Variants in HPN observed in about 807,000 individuals in gnomAD.
The protein encoded by HPN is hepsin.
A neutral mutation model predicts 55.9 loss-of-function variants in HPN; 13 were observed. That is an observed-to-expected ratio of 0.23 (90% CI 0.15 to 0.37). The LOEUF (loss-of-function observed/expected upper bound fraction) is 0.37, where lower values mean the gene tolerates loss of function less well. Ranked by LOEUF, HPN falls within the 10% of genes least tolerant of loss-of-function variation. The pLI is 1.00. For synonymous variants in HPN, 225 were observed against 240.3 expected (o/e 0.94, Z 0.59); for missense variants, 451 against 575.8 (o/e 0.78, Z 2.22).
chr19:35,041,661 C>A (rs970762212), upstream of HPN: 13 of 1,159,234 alleles, frequency 1.1e-5, no homozygotes, highest in Non-Finnish European at 1.4e-5. Context: ...TGCTGCCAAT[C>A]GAATGGTCCG....
intron 9 of HPN, among the ~76,000 whole-genome samples, chr19:35,064,947 G>A (rs569366273): frequency 2.6e-5 from 4 of 152,128 alleles, no homozygotes; most frequent in East Asian, 3.9e-4. Context: ...TCAGTCTCCC[G>A]AGTAGCTGGG....
chr19:35,041,657 C>T, upstream of HPN: 1 of 1,159,904 alleles, frequency 8.6e-7, no homozygotes, highest in South Asian at 1.6e-5. Flanking sequence ...CCAGTGCTGC[C>T]AATCGAATGG....
At position 35,049,618 on chromosome 19, in the gene HPN, G is replaced by C. The variant is rs575384516; in HGVS notation, c.160+102G>C. 3.4e-5 allele frequency: 36 copies of C among 1,048,410 alleles called. No homozygotes were observed. In the African/African-American group the frequency reaches 4.7e-4, roughly 14 times the overall value. 64.9% of individuals were successfully genotyped at this position (1,048,410 alleles called of 1,614,324 possible). ...TTGTTGAATAAATGCACAAATGCAT[G>C]CAGAAATGCTAATCATAATAGTGCA... is the stretch of plus-strand genomic sequence containing the variant. On this transcript the variant is annotated intron_variant, in intron 4 of 12. Coordinates refer to ENST00000672452, the MANE Select transcript of HPN (RefSeq NM_001384133.1).
chr19:35,054,598 C>T (rs2064437040), intron 4 of HPN, among the ~76,000 whole-genome samples: 1 of 152,146 alleles, frequency 6.6e-6, no homozygotes, highest in Non-Finnish European at 1.5e-5. Flanking sequence ...TCTTGAGAGG[C>T]TGTCCAGGGC....
intron 10 of HPN, 91 bp downstream of exon 10, chr19:35,065,436 A>G: frequency 6.4e-7 from 1 of 1,567,014 alleles, no homozygotes; most frequent in South Asian, 1.2e-5. Flanking sequence ...ATGAGTCTTG[A>G]CCATGAGGAG....
chr19:35,041,080 C>T (rs72550257), upstream of HPN, among the ~76,000 whole-genome samples: 2,741 of 152,292 alleles, frequency 0.018, 85 homozygotes, highest in African/African-American at 0.063. Flanking sequence ...TGCCTGCGGA[C>T]GCTTCCGGCC....
intron 10 of HPN, 64 bp from the exon 11 acceptor site, chr19:35,065,475 A>G: frequency 6.3e-7 from 1 of 1,589,856 alleles, no homozygotes. Flanking sequence ...TGGGGTGGGC[A>G]CCAGGAGGGA....
chr19:35,042,141 T>G, intron 1 of HPN: 2 of 1,133,836 alleles, frequency 1.8e-6, no homozygotes, highest in Non-Finnish European at 2.2e-6. Context: ...GGCCCCCAAA[T>G]TCCTCCTTTC....
upstream of HPN, chr19:35,041,652 G>A: frequency 8.6e-7 from 1 of 1,157,212 alleles, no homozygotes; most frequent in Non-Finnish European, 1.1e-6. Flanking sequence ...GGCCTCCAGT[G>A]CTGCCAATCG....
At chr19:35,057,994 T>C (rs1463240289) in intron 4 of HPN, among the ~76,000 whole-genome samples, 2 of 151,516 alleles carry the variant, frequency 1.3e-5, no homozygotes, top group Non-Finnish European at 2.9e-5. Context: ...CTACTTAAAA[T>C]ACAAAAAAAT....
chr19:35,050,530 G>A (rs1364148860), intron 4 of HPN: 1 of 1,288,388 alleles, frequency 7.8e-7, no homozygotes, highest in Non-Finnish European at 1.0e-6. Flanking sequence ...CTGTAAGTGT[G>A]TCTGCAGGCA....
At chr19:35,066,096 G>C (rs772159854) in intron 12 of HPN, 64 bp downstream of exon 12, 6 of 1,611,100 alleles carry the variant, frequency 3.7e-6, no homozygotes, top group Non-Finnish European at 5.1e-6. Context: ...GGGGAAGGGA[G>C]GCAGAGATTT....
chr19:35,059,522 C>T (rs755493562), intron 4 of HPN, 151 bp from the exon 5 acceptor site: 188 of 955,414 alleles, frequency 2.0e-4, no homozygotes, highest in Non-Finnish European at 2.7e-4. Flanking sequence ...CAGATGCAAT[C>T]GCAGATGTGG....
intron 4 of HPN, chr19:35,059,230 G>C: frequency 3.1e-6 from 1 of 326,338 alleles, no homozygotes; most frequent in Non-Finnish European, 6.0e-6. Flanking sequence ...AGGAGGCAGA[G>C]GCAGGAAGAT....
chr19:35,064,332 CTCTCTCTTTCT>C (rs2151769848), intron 9 of HPN, among the ~76,000 whole-genome samples: 1 of 152,140 alleles, frequency 6.6e-6, no homozygotes, highest in East Asian at 1.9e-4. Context: ...CTCTCTCTCT[CTCTCTCTTTCT>C]TCTCTCTCTC....
chr19:35,057,361 G>T (rs1478031688), intron 4 of HPN, among the ~76,000 whole-genome samples: 4 of 151,994 alleles, frequency 2.6e-5, no homozygotes, highest in South Asian at 2.1e-4. Context: ...GGGAGGCGGA[G>T]GTTACAGTGA....
At chr19:35,061,924 G>C (rs1297174696) in intron 9 of HPN, among the ~76,000 whole-genome samples, 2 of 152,114 alleles carry the variant, frequency 1.3e-5, no homozygotes, top group Non-Finnish European at 2.9e-5. Context: ...TAGGTGTGGT[G>C]ACGGATACCT....
intron 4 of HPN, among the ~76,000 whole-genome samples, chr19:35,050,914 C>CTTTTTTTTTTTTTTT (rs5827917): frequency 4.2e-4 from 38 of 90,424 alleles, no homozygotes; most frequent in Admixed American, 6.2e-4. Flanking sequence ...TTCTTTCTTT[C>CTTTTTTTTTTTTTTT]TTTTTTTTTT....
At chr19:35,053,913 T>TTAAGGC (rs1368159385) in intron 4 of HPN, among the ~76,000 whole-genome samples, 1 of 152,130 alleles carries the variant, frequency 6.6e-6, no homozygotes, top group African/African-American at 2.4e-5. Context: ...GAGGCCATCA[T>TTAAGGC]TAAGGCAGGC....
Sources: allele counts gnomAD v4.1 joint callset (sites outside exome capture counted in the v4.1 genomes callset), GRCh38; gene constraint gnomAD v4.1.1; transcripts MANE v1.5; gene names NCBI Gene and HGNC (gene_info 2026-07-23, HGNC 2026-07-21).